The following DBX2 variants were observed in gnomAD, a reference collection of about 807,000 sequenced individuals.
The protein encoded by DBX2 is homeobox protein DBX2.
A neutral mutation model predicts 17.7 loss-of-function variants in DBX2; 16 were observed. The ratio of observed to expected loss-of-function variants is 0.90; its 90% CI spans 0.61 to 1.37. The LOEUF (loss-of-function observed/expected upper bound fraction) is 1.37, where lower values mean the gene tolerates loss of function less well. Among genes scored for constraint, DBX2 ranks in the 40% most tolerant of loss-of-function variants. The pLI, the probability that DBX2 is intolerant of heterozygous loss-of-function variation, is 0.00. For synonymous variants in DBX2, 255 were observed against 183.8 expected (o/e 1.39, Z -3.13); for missense variants, 538 against 433.8 (o/e 1.24, Z -2.13).
intron 2 of DBX2, among the ~76,000 whole-genome samples, chr12:45,030,322 T>C (rs1041159494): frequency 1.3e-4 from 20 of 152,256 alleles, no homozygotes; most frequent in African/African-American, 4.6e-4. Flanking sequence ...CCTGTCTATC[T>C]ACACCACTGC....
intron 1 of DBX2, among the ~76,000 whole-genome samples, chr12:45,050,324 A>G (rs1285759859): frequency 6.6e-6 from 1 of 152,214 alleles, no homozygotes; most frequent in South Asian, 2.1e-4. Context: ...ATGGGGCAAA[A>G]AAGAATCACA....
Position 45,050,705 on chromosome 12 carries a change from G to A in DBX2, c.223C>T (p.Pro75Ser). The stretch of plus-strand genomic sequence containing the variant: ...AGGGGAACTGGGCTAGCAGGCAGGG[G>A]CCGGAGCTGCGCGCCCGCGGTGGCC... ...ALATAGAQLR[P>S]LPASPVPLKL... The change falls in exon 1 of 4, where the codon CCC becomes TCC. Residue 75 changes from proline to serine, a missense_variant. Pro to Ser is a moderately conservative substitution (Grantham distance 74, BLOSUM62 -1). Transcript: ENST00000332700. The A allele has an allele frequency of 2.0e-6, 3 of 1,506,350 alleles. No individual in the cohort carries two copies. Among genetic ancestry groups the A allele is most frequent in the South Asian group, 1.3e-5 (1 of 78,946 alleles). The allele number at this position is 1,506,350 out of a possible 1,614,324, so 93.3% of individuals were successfully genotyped here. A position where few individuals can be genotyped will look rare whatever the true frequency, so the allele number is the denominator to read the frequency against.
intron 2 of DBX2, among the ~76,000 whole-genome samples, chr12:45,025,164 G>A (rs1218711235): frequency 6.6e-6 from 1 of 152,232 alleles, no homozygotes; most frequent in East Asian, 1.9e-4. Flanking sequence ...TTGAGATGAA[G>A]AGCGTATCTT....
chr12:45,023,758 G>C lies in DBX2; in HGVS notation c.636C>G (p.Ser212Arg). Reference protein sequence around the residue: ...EKMFQKQKYISKTDRKKLAIN... With the variant: ...EKMFQKQKYIRKTDRKKLAIN... ...TGGCAAGTTTCTTTCGGTCTGTTTT[G>C]CTGATATATTTCTGTTTCTGAAACA... Residue 212 changes from serine (S) to arginine (R), a missense_variant, in exon 3 of 4, where the codon AGC becomes AGG. Coordinates refer to ENST00000332700, the MANE Select transcript of DBX2 (RefSeq NM_001004329.3). 3 of 1,614,064 alleles carry C rather than the reference G, an allele frequency of 1.9e-6. No homozygotes were observed. Among genetic ancestry groups the C allele is most frequent in the African/African-American group, 2.7e-5 (2 of 75,012 alleles).
intron 1 of DBX2, among the ~76,000 whole-genome samples, chr12:45,050,215 T>C (rs1446562563): frequency 2.6e-5 from 4 of 152,130 alleles, no homozygotes; most frequent in African/African-American, 9.7e-5. Context: ...AGGCAGGCCG[T>C]AGAACCCTCA....
At chr12:45,040,576 C>T (rs1006656579) in intron 1 of DBX2, among the ~76,000 whole-genome samples, 8 of 152,096 alleles carry the variant, frequency 5.3e-5, no homozygotes, top group South Asian at 4.2e-4. Context: ...ATGAACTTTC[C>T]GTATGACTTA....
chr12:45,030,015 G>A (rs999520651), intron 2 of DBX2, among the ~76,000 whole-genome samples: 15 of 151,996 alleles, frequency 9.9e-5, no homozygotes, highest in Middle Eastern at 3.4e-3. Context: ...CCTAATTGCC[G>A]TCTTCCCCAG....
In DBX2 at chr12:45,016,545, C is replaced by T. The variant is rs777294315; in HGVS notation, c.761G>A (p.Cys254Tyr). 2 of 1,593,850 alleles carry T rather than the reference C, an allele frequency of 1.3e-6. No homozygotes were observed. The highest frequency in any genetic ancestry group is 1.8e-5 in the Admixed American group (1 of 55,478). The change falls in exon 4 of 4, where the codon TGT becomes TAT. Residue 254 changes from cysteine to tyrosine, a missense_variant. Cys to Tyr is a radical substitution (Grantham distance 194). Coordinates refer to ENST00000332700, the MANE Select transcript of DBX2 (RefSeq NM_001004329.3). ...SKEKEVLSNR[C>Y]IQEVGLQEDP... Reference sequence around the variant, plus strand: ...CTCTTGAAGACCTACTTCTTGGATACACCTGTTGGAAAGCACTTCCTTTTC... The same window carrying T: ...CTCTTGAAGACCTACTTCTTGGATATACCTGTTGGAAAGCACTTCCTTTTC...
chr12:45,038,685 T>C (rs1481154521), intron 1 of DBX2, among the ~76,000 whole-genome samples: 8 of 141,232 alleles, frequency 5.7e-5, no homozygotes. Flanking sequence ...TTCCCAACCC[T>C]AGGGCCCTAA....
chr12:45,020,830 T>C (rs1410269443), intron 3 of DBX2, among the ~76,000 whole-genome samples: 2 of 152,032 alleles, frequency 1.3e-5, no homozygotes, highest in Non-Finnish European at 2.9e-5. Context: ...TTTGTGTTAT[T>C]ATATGTTCAT....
rs1418041485 is a variant in DBX2 at position 45,050,675 on chromosome 12, G to A, written c.253C>T (p.Leu85=). The A allele has an allele frequency of 2.6e-6, 4 of 1,545,872 alleles. No homozygotes were observed. Among genetic ancestry groups the A allele is most frequent in the East Asian group, 2.5e-5 (1 of 40,424 alleles). The change falls in exon 1 of 4, where the codon CTG becomes TTG. Residue 85 remains leucine (L), a synonymous_variant. Coordinates refer to ENST00000332700, the MANE Select transcript of DBX2 (RefSeq NM_001004329.3). Reference sequence around the variant, plus strand: ...CTAACTTGTTCGGCTGCGGGGCACAGCTTTAGGGGAACTGGGCTAGCAGGC... The same window carrying A: ...CTAACTTGTTCGGCTGCGGGGCACAACTTTAGGGGAACTGGGCTAGCAGGC... ...PLPASPVPLK[L]CPAAEQVSPA...
intron 1 of DBX2, among the ~76,000 whole-genome samples, chr12:45,048,078 C>T (rs1308474172): frequency 6.6e-6 from 1 of 152,064 alleles, no homozygotes; most frequent in Non-Finnish European, 1.5e-5. Context: ...ACTCAGTAAG[C>T]ATGTGCTGAA....
intron 3 of DBX2, among the ~76,000 whole-genome samples, chr12:45,018,938 A>G (rs2137017629): frequency 6.6e-6 from 1 of 152,062 alleles, no homozygotes; most frequent in Middle Eastern, 3.4e-3. Context: ...GCCTTAGAAT[A>G]GTCATTAATA....
intron 2 of DBX2, 102 bp from the exon 3 acceptor site, chr12:45,023,996 A>G: frequency 8.6e-7 from 1 of 1,157,404 alleles, no homozygotes; most frequent in Non-Finnish European, 1.2e-6. Flanking sequence ...CTATGGCCAA[A>G]TGACCTCATT....
At chr12:45,020,550 G>GA (rs35736320) in intron 3 of DBX2, among the ~76,000 whole-genome samples, 11,343 of 151,890 alleles carry the variant, frequency 0.075, 546 homozygotes, top group Admixed American at 0.12. Context: ...ATACCTGGGG[G>GA]ATCTTCTGGC....
At chr12:45,032,119 C>A (rs1218502093) in intron 2 of DBX2, among the ~76,000 whole-genome samples, 1 of 151,886 alleles carries the variant, frequency 6.6e-6, no homozygotes, top group African/African-American at 2.4e-5. Flanking sequence ...CTGAATAGAG[C>A]CATCAACTTG....
intron 3 of DBX2, 74 bp downstream of exon 3, chr12:45,023,619 GCCTACGGCCCACCA>G (rs1231441123): frequency 6.8e-7 from 1 of 1,476,208 alleles, no homozygotes; most frequent in Non-Finnish European, 9.2e-7. Context: ...AGAAGCAGTT[GCCTACGGCCCACCA>G]CCCTGAACAC....
chr12:45,028,146 C>T (rs143580388), intron 2 of DBX2, among the ~76,000 whole-genome samples: 91 of 152,270 alleles, frequency 6.0e-4, no homozygotes, highest in African/African-American at 2.1e-3. Context: ...CATGGCAGAT[C>T]TAAGAATCTC....
In DBX2 at chr12:45,040,293, C is replaced by A. The variant is rs1246550322; in HGVS notation, c.404-4179G>T. On this transcript the variant is annotated intron_variant, in intron 1 of 3. Transcript: ENST00000332700. ...AAGTTCTTCAGTTATGGGACTCGAA[C>A]TGGCTCTCCTTGCTCCTCAGCTTGC... Among the ~76,000 whole-genome samples, 4 of 152,246 alleles carry A rather than the reference C, an allele frequency of 2.6e-5. No homozygotes were observed. The East Asian group carries it at 7.7e-4, about 29-fold the overall frequency.
Sources: allele counts gnomAD v4.1 joint callset (sites outside exome capture counted in the v4.1 genomes callset), GRCh38; gene constraint gnomAD v4.1.1; transcripts MANE v1.5; gene names NCBI Gene and HGNC (gene_info 2026-07-23, HGNC 2026-07-21).